Variants in PTPRN2 observed in about 807,000 individuals in gnomAD.
The protein encoded by PTPRN2 is receptor-type tyrosine-protein phosphatase N2.
Under a neutral mutation model 118.8 loss-of-function variants are expected in PTPRN2, and 74 were observed. The ratio of observed to expected loss-of-function variants is 0.62; its 90% CI spans 0.52 to 0.76. The LOEUF (loss-of-function observed/expected upper bound fraction) is 0.76, where lower values mean the gene tolerates loss of function less well. Among genes scored for constraint, PTPRN2 ranks in the 30% least tolerant of loss-of-function variants. The pLI is 0.00. For missense variants in PTPRN2, 1,481 were observed against 1,394.4 expected (o/e 1.06, Z -0.99); for synonymous variants, 641 against 608.0 (o/e 1.05, Z -0.80).
intron 5 of PTPRN2, among the ~76,000 whole-genome samples, chr7:158,168,896 T>A (rs746457072): frequency 1.3e-5 from 2 of 152,208 alleles, no homozygotes; most frequent in Admixed American, 6.5e-5. Context: ...CAAAATGTCA[T>A]GGACAGGCTG....
At chr7:157,672,938 A>C in intron 13 of PTPRN2, among the ~76,000 whole-genome samples, 1 of 152,290 alleles carries the variant, frequency 6.6e-6, no homozygotes, top group East Asian at 1.9e-4. Flanking sequence ...CCAGACACTC[A>C]ATTCTGGGGC....
At chr7:158,368,999 C>G (rs1398898681) in intron 2 of PTPRN2, among the ~76,000 whole-genome samples, 1 of 152,090 alleles carries the variant, frequency 6.6e-6, no homozygotes, top group African/African-American at 2.4e-5. Context: ...GGGGCAGACC[C>G]ACCCTCAGTC....
At position 158,164,547 on chromosome 7, in the gene PTPRN2, GCGCA is replaced by G. The variant is rs1822754186; in HGVS notation, c.910+2380_910+2383del. ...GCGGGAGCGCGCACGTAGGGAAGGCGCGCACGTAGGGAAGGCACGCAGAGCAGGA... is the reference window on the plus strand; with the variant it reads ...GCGGGAGCGCGCACGTAGGGAAGGCGCGTAGGGAAGGCACGCAGAGCAGGA... On this transcript the variant is annotated intron_variant, in intron 6 of 22. Transcript: ENST00000389418. Among the ~76,000 whole-genome samples, 6 of 3,608 alleles carry G rather than the reference GCGCA, an allele frequency of 1.7e-3. 1 individual carries two copies. The highest frequency in any genetic ancestry group is 0.013 in the African/African-American group (4 of 314). 2.4% of individuals were successfully genotyped at this position (3,608 alleles called of 152,430 possible). A position where few individuals can be genotyped will look rare whatever the true frequency, so the allele number is the denominator to read the frequency against.
At position 157,552,963 on chromosome 7, in the gene PTPRN2, C is replaced by T. The variant is rs565835583; in HGVS notation, c.2903-3944G>A. Among the ~76,000 whole-genome samples, 11 of 152,344 alleles carry T rather than the reference C, an allele frequency of 7.2e-5. No individual in the cohort carries two copies. The South Asian group carries it at 2.3e-3, about 32-fold the overall frequency. On this transcript the variant is annotated intron_variant, in intron 21 of 22. Coordinates refer to ENST00000389418, the MANE Select transcript of PTPRN2 (RefSeq NM_002847.5). The stretch of plus-strand genomic sequence containing the variant: ...TTGATGCTCAGGCAACCTCACAGAT[C>T]TCGTGAGCAAACTCTTCTGGGAGAC...
chr7:158,115,645 G>A (rs1816672161), intron 9 of PTPRN2, among the ~76,000 whole-genome samples: 1 of 152,056 alleles, frequency 6.6e-6, no homozygotes, highest in Non-Finnish European at 1.5e-5. Context: ...CTGCAACCCA[G>A]AAGTGTGCCT....
intron 3 of PTPRN2, among the ~76,000 whole-genome samples, chr7:158,259,087 A>C (rs1797221423): frequency 6.6e-6 from 1 of 152,176 alleles, no homozygotes; most frequent in Admixed American, 6.5e-5. Flanking sequence ...AGGACCCCTG[A>C]TGCCTCTGCT....
intron 14 of PTPRN2, among the ~76,000 whole-genome samples, chr7:157,624,527 C>A (rs561571547): frequency 7.9e-5 from 12 of 152,246 alleles, no homozygotes; most frequent in African/African-American, 2.6e-4. Flanking sequence ...TGCTGCTGGG[C>A]AAACCCATCT....
At chr7:157,747,618 G>A (rs1211596119) in intron 12 of PTPRN2, among the ~76,000 whole-genome samples, 4 of 127,368 alleles carry the variant, frequency 3.1e-5, no homozygotes, top group African/African-American at 6.1e-5. Flanking sequence ...TGAGGCCTGC[G>A]TCTCTGAGCT....
intron 12 of PTPRN2, among the ~76,000 whole-genome samples, chr7:157,753,196 C>T (rs530162947): frequency 1.8e-4 from 27 of 152,344 alleles, no homozygotes; most frequent in South Asian, 1.0e-3. Context: ...CCACACCCCG[C>T]GCAGTGGGCT....
chr7:158,403,149 C>G (rs1813075751), intron 2 of PTPRN2, among the ~76,000 whole-genome samples: 3 of 152,166 alleles, frequency 2.0e-5, no homozygotes, highest in South Asian at 2.1e-4. Flanking sequence ...AAGCTGTGCA[C>G]TTGGGAGGTT....
rs79931805 is a variant in PTPRN2 at position 157,831,981 on chromosome 7, T to G, written c.1788+66692A>C. On this transcript the variant is annotated intron_variant, in intron 12 of 22. Coordinates refer to ENST00000389418, the MANE Select transcript of PTPRN2 (RefSeq NM_002847.5). This position sits in a 1 kb window ranked among gnomAD's most constrained non-coding sequence, Gnocchi z 4.8. ...GCAGTTGCTTCGTCTGCATGAGGAG[T>G]GACGGCTGGGCTGCTGATGGCCCTG... Among the ~76,000 whole-genome samples, 286 of 152,226 alleles carry G rather than the reference T, an allele frequency of 1.9e-3. 1 individual carries two copies. The highest frequency in any genetic ancestry group is 6.4e-3 in the African/African-American group (264 of 41,536).
At chr7:158,117,782 G>GAAA (rs142801094) in intron 9 of PTPRN2, among the ~76,000 whole-genome samples, 23 of 148,648 alleles carry the variant, frequency 1.5e-4, no homozygotes, top group African/African-American at 5.7e-4. Flanking sequence ...TACAGGAAAA[G>GAAA]AAAAAAAAAA....
At chr7:158,254,787 C>G (rs968008125) in intron 3 of PTPRN2, among the ~76,000 whole-genome samples, 1 of 152,382 alleles carries the variant, frequency 6.6e-6, no homozygotes, top group East Asian at 1.9e-4. Context: ...CACCTCCCTA[C>G]AGGACAGGAA....
Position 158,011,588 on chromosome 7 carries a change from A to C in PTPRN2, c.1723+69710T>G, listed in dbSNP as rs137894369. Among the ~76,000 whole-genome samples, 1,219 of 152,354 alleles carry C rather than the reference A, an allele frequency of 8.0e-3. 16 individuals are homozygous for C. Among genetic ancestry groups the C allele is most frequent in the African/African-American group, 0.028 (1,172 of 41,576 alleles). On this transcript the variant is annotated intron_variant, in intron 11 of 22. Coordinates refer to ENST00000389418, the MANE Select transcript of PTPRN2 (RefSeq NM_002847.5). ...GATGCTTAGGTTCTTAAGGAGCTAT[A>C]AGCAAAGGAAGATATAAAATTATAT...
chr7:157,806,794 C>A (rs1245980551), intron 12 of PTPRN2, among the ~76,000 whole-genome samples: 2 of 152,232 alleles, frequency 1.3e-5, no homozygotes, highest in African/African-American at 4.8e-5. Context: ...TCAGTCCAGG[C>A]AGACCACGGC....
intron 22 of PTPRN2, among the ~76,000 whole-genome samples, chr7:157,541,893 T>A (rs899798927): frequency 6.6e-6 from 1 of 152,236 alleles, no homozygotes; most frequent in Non-Finnish European, 1.5e-5. Context: ...TTTCATATTC[T>A]TCTGCCCTGA....
At chr7:157,863,363 G>T (rs911130171) in intron 12 of PTPRN2, 2 of 152,196 alleles carry the variant, frequency 1.3e-5, no homozygotes, top group Non-Finnish European at 2.9e-5. Context: ...GAGTGGAGAC[G>T]AGGTCTTCCC....
rs11975115 is a variant in PTPRN2 at position 157,598,736 on chromosome 7, G to A, written c.2419-3421C>T. On this transcript the variant is annotated intron_variant, in intron 16 of 22. Transcript: ENST00000389418. The surrounding 1 kb of genome is among the most constrained non-coding windows in gnomAD (Gnocchi z 5.2). ...GGCGGTCTGCGGCCCGTGAACACGC[G>A]TCCATGCTGTCCTCAGTGAACCACA... 0.027 allele frequency among the ~76,000 whole-genome samples: 4,143 copies of A among 152,296 alleles called. 168 individuals carry two copies. The highest frequency in any genetic ancestry group is 0.093 in the African/African-American group (3,880 of 41,542).
chr7:158,067,177 C>T (rs1479883142), intron 11 of PTPRN2, among the ~76,000 whole-genome samples: 1 of 152,226 alleles, frequency 6.6e-6, no homozygotes, highest in Non-Finnish European at 1.5e-5. Flanking sequence ...AGATGCAATT[C>T]TTATTTCCAC....
Sources: gnomAD v4.1 joint callset for allele counts (sites outside exome capture counted in the v4.1 genomes callset) on GRCh38, gnomAD v4.1.1 for gene constraint, Gnocchi (gnomAD v3.1) non-coding constraint, MANE v1.5 for transcripts, NCBI Gene and HGNC (gene_info 2026-07-23, HGNC 2026-07-21) for gene names.